Variants in TRHDE observed in about 807,000 individuals in gnomAD.
The protein encoded by TRHDE is thyrotropin releasing hormone degrading enzyme, also known as thyrotropin-releasing hormone-degrading ectoenzyme.
In TRHDE, 72 loss-of-function variants were observed where a neutral mutation model predicts 125.7. That is an observed-to-expected ratio of 0.57 (90% CI 0.47 to 0.70). The LOEUF (loss-of-function observed/expected upper bound fraction) is 0.70. Among genes scored for constraint, TRHDE ranks in the 30% least tolerant of loss-of-function variants. The probability of loss-of-function intolerance (pLI) is 0.00; values close to 1 mark genes in which losing one functional copy is unlikely to be tolerated. For synonymous variants in TRHDE, 509 were observed against 509.1 expected (o/e 1.00, Z 0.00); for missense variants, 1,110 against 1,327.1 (o/e 0.84, Z 2.54).
chr12:72,551,369 A>G (rs191546812), intron 7 of TRHDE, among the ~76,000 whole-genome samples: 4 of 152,250 alleles, frequency 2.6e-5, no homozygotes, highest in East Asian at 1.9e-4. Flanking sequence ...TTCTTTTCCA[A>G]TCGGTCTCCT....
In TRHDE at chr12:72,627,226, C is replaced by T. The variant is rs1873296408; in HGVS notation, c.2675+5475C>T. Among the ~76,000 whole-genome samples the T allele has an allele frequency of 2.6e-5, 4 of 152,054 alleles. 1 individual carries two copies. The South Asian group carries it at 8.3e-4, about 31-fold the overall frequency. On this transcript the variant is annotated intron_variant, in intron 15 of 18. Coordinates refer to ENST00000261180, the MANE Select transcript of TRHDE (RefSeq NM_013381.3). Reference sequence around the variant, plus strand: ...AGTAAGGAGATTGCCCCCAAATTTCCAGTGCTTATATCAGCTCTAAAAGTT... The same window carrying T: ...AGTAAGGAGATTGCCCCCAAATTTCTAGTGCTTATATCAGCTCTAAAAGTT...
rs540079073 is a variant in TRHDE, at chr12:72,636,975, T to G, written c.2675+15224T>G. ...TTGGTCTAAAATTCTCTTTTTTGGTTGTGTCTCTGCCAGGCTTTGGTATCA... is the reference window on the plus strand; with the variant it reads ...TTGGTCTAAAATTCTCTTTTTTGGTGGTGTCTCTGCCAGGCTTTGGTATCA... On this transcript the variant is annotated intron_variant, in intron 15 of 18. Coordinates refer to ENST00000261180, the MANE Select transcript of TRHDE (RefSeq NM_013381.3). Among the ~76,000 whole-genome samples, 55 of 152,276 alleles carry G rather than the reference T, an allele frequency of 3.6e-4. 2 individuals are homozygous for G. In the South Asian group the frequency reaches 0.011, roughly 31 times the overall value.
intron 1 of TRHDE, among the ~76,000 whole-genome samples, chr12:72,278,102 CT>C (rs746099498): frequency 6.6e-5 from 10 of 152,142 alleles, no homozygotes; most frequent in Non-Finnish European, 7.4e-5. Flanking sequence ...CATTCTTCCC[CT>C]AACCTCTTAT....
intron 13 of TRHDE, among the ~76,000 whole-genome samples, chr12:72,620,462 G>A (rs1268982936): frequency 1.3e-5 from 2 of 151,800 alleles, no homozygotes; most frequent in Non-Finnish European, 2.9e-5. Context: ...GGCGGAGGAT[G>A]CAGTGAGCCG....
At chr12:72,427,636 C>T (rs1018138945) in intron 3 of TRHDE, among the ~76,000 whole-genome samples, 6 of 152,012 alleles carry the variant, frequency 3.9e-5, no homozygotes, top group African/African-American at 9.7e-5. Flanking sequence ...TTGCAATTCA[C>T]GTAAGTTATT....
intron 2 of TRHDE, among the ~76,000 whole-genome samples, chr12:72,320,200 G>A (rs1209748337): frequency 6.6e-6 from 1 of 151,892 alleles, no homozygotes; most frequent in Non-Finnish European, 1.5e-5. Flanking sequence ...ATACATATAC[G>A]TACAGCCATC....
At chr12:72,154,344 A>C (rs1183560444) in intron 2 of TRHDE, among the ~76,000 whole-genome samples, 2 of 151,394 alleles carry the variant, frequency 1.3e-5, no homozygotes, top group Non-Finnish European at 1.5e-5. Flanking sequence ...TCTTGACTCT[A>C]TCCAATTTGC....
chr12:72,569,027 A>T (rs1272913136), intron 10 of TRHDE, among the ~76,000 whole-genome samples: 1 of 152,078 alleles, frequency 6.6e-6, no homozygotes, highest in East Asian at 1.9e-4. Flanking sequence ...ACACTTTCCT[A>T]TCTTCTCTTT....
At chr12:72,322,936 G>C (rs1226195676) in intron 2 of TRHDE, among the ~76,000 whole-genome samples, 1 of 152,106 alleles carries the variant, frequency 6.6e-6, no homozygotes, top group Admixed American at 6.6e-5. Flanking sequence ...CTGATTAGCT[G>C]TGTAATATTG....
Position 72,163,327 on chromosome 12 carries a change from C to A in TRHDE, n.279+57575C>A, listed in dbSNP as rs563707244. ...CCCTTGAATACCTATAACAGCTTGT[C>A]TGAGGCAGGTTCCTCTCAAAGGGAT... On this transcript the variant is annotated intron_variant and non_coding_transcript_variant, in intron 2 of 4. Coordinates refer to the TRHDE transcript ENST00000548156. Among the ~76,000 whole-genome samples, 4 of 152,316 alleles carry A rather than the reference C, an allele frequency of 2.6e-5. No homozygotes were observed. In the South Asian group the frequency reaches 8.3e-4, roughly 32 times the overall value.
intron 9 of TRHDE, among the ~76,000 whole-genome samples, chr12:72,563,344 C>A (rs1208974654): frequency 6.6e-6 from 1 of 152,036 alleles, no homozygotes; most frequent in Non-Finnish European, 1.5e-5. Context: ...GAATTAAATG[C>A]AAGAAGTTAA....
chr12:72,205,907 A>G (rs1404777972), intron 2 of TRHDE, among the ~76,000 whole-genome samples: 1 of 151,970 alleles, frequency 6.6e-6, no homozygotes, highest in Non-Finnish European at 1.5e-5. Flanking sequence ...TTCCGTTTTT[A>G]ATTTTTTGAG....
chr12:72,398,838 G>A (rs1359913457), intron 3 of TRHDE, among the ~76,000 whole-genome samples: 1 of 152,180 alleles, frequency 6.6e-6, no homozygotes, highest in Non-Finnish European at 1.5e-5. Flanking sequence ...GTTGTTAGAT[G>A]CTTTACGTTA....
At chr12:72,495,044 C>T (rs1218008846) in intron 5 of TRHDE, among the ~76,000 whole-genome samples, 1 of 123,926 alleles carries the variant, frequency 8.1e-6, no homozygotes, top group Admixed American at 8.4e-5. Context: ...CCATTTCTGT[C>T]AATAGTTCCT....
intron 6 of TRHDE, among the ~76,000 whole-genome samples, chr12:72,530,515 C>T (rs997590): frequency 0.14 from 18,520 of 132,216 alleles, 1,295 homozygotes; most frequent in Middle Eastern, 0.27. Flanking sequence ...CCTCTAAATA[C>T]TGGAACTCCC....
At chr12:72,660,654 A>T (rs1874881420) in intron 18 of TRHDE, among the ~76,000 whole-genome samples, 1 of 152,190 alleles carries the variant, frequency 6.6e-6, no homozygotes, top group South Asian at 2.1e-4. Flanking sequence ...ATGATTAATA[A>T]TGTTTATACT....
Position 72,406,028 on chromosome 12 carries a change from AAGG to A in TRHDE, c.1315+27916_1315+27918del, listed in dbSNP as rs143278351. Among the ~76,000 whole-genome samples, 435 of 152,282 alleles carry A rather than the reference AAGG, an allele frequency of 2.9e-3. 4 individuals are homozygous for A. The highest frequency in any genetic ancestry group is 0.01 in the Middle Eastern group (3 of 294). On this transcript the variant is annotated intron_variant, in intron 3 of 18. Transcript: ENST00000261180. ...ACTTTTACTTCTCTCTTGCTTGAAA[AAGG>A]AGGAGGAGAAGAAGCAGCAGCTTAA...
chr12:72,238,975 C>T (rs1342101469), intron 2 of TRHDE, among the ~76,000 whole-genome samples: 1 of 152,184 alleles, frequency 6.6e-6, no homozygotes, highest in Non-Finnish European at 1.5e-5. Flanking sequence ...ACACTGTCTT[C>T]CACAATGGTT....
At chr12:72,316,449 T>G (rs539627414) in intron 2 of TRHDE, among the ~76,000 whole-genome samples, 201 of 152,296 alleles carry the variant, frequency 1.3e-3, no homozygotes, top group African/African-American at 4.8e-3. Flanking sequence ...CAGCGACTTT[T>G]TACAAGACGA....
Sources: allele counts gnomAD v4.1 joint callset (sites outside exome capture counted in the v4.1 genomes callset), GRCh38; gene constraint gnomAD v4.1.1; transcripts MANE v1.5; gene names NCBI Gene and HGNC (gene_info 2026-07-23, HGNC 2026-07-21).